GMIP: variants seen among roughly 807,000 people sequenced by gnomAD.
GMIP encodes GEM interacting protein, also known as GEM-interacting protein.
GMIP carries 54 observed loss-of-function variants against 105.3 expected under a neutral mutation model. The ratio of observed to expected loss-of-function variants is 0.51; its 90% CI spans 0.41 to 0.64. GMIP has a LOEUF of 0.64. Among genes scored for constraint, GMIP ranks in the 30% least tolerant of loss-of-function variants. The pLI, the probability that GMIP is intolerant of heterozygous loss-of-function variation, is 0.00. For missense variants in GMIP, 1,110 were observed against 1,319.4 expected (o/e 0.84, Z 2.46); for synonymous variants, 541 against 560.8 (o/e 0.96, Z 0.50).
chr19:19,642,729 A>G (rs773957014), intron 1 of GMIP, 110 bp from the exon 2 acceptor site: 16 of 537,524 alleles, frequency 3.0e-5, no homozygotes, highest in Non-Finnish European at 5.5e-5. Flanking sequence ...AGTGAGAGAG[A>G]GAAAGAGAGG....
chr19:19,631,115 C>G (rs1230576182), intron 19 of GMIP, among the ~76,000 whole-genome samples: 1 of 152,028 alleles, frequency 6.6e-6, no homozygotes, highest in Admixed American at 6.6e-5. Flanking sequence ...GCAGGAGAAT[C>G]GCTTGGACCT....
chr19:19,634,306 G>GGGGA lies in GMIP; in HGVS notation c.2085-117_2085-116insTCCC. On this transcript the variant is annotated intron_variant, in intron 18 of 20. Transcript: ENST00000203556. This position sits in a 1 kb window ranked among gnomAD's most constrained non-coding sequence, Gnocchi z 6.1. ...TGACTTGCCCATGTCACAGGTGTAA[G>GGGGA]TCGTCTGAGACCAGCAGCCACATAT... 2 of 1,170,608 alleles carry GGGGA rather than the reference G, an allele frequency of 1.7e-6. No individual in the cohort carries two copies. Among genetic ancestry groups the GGGGA allele is most frequent in the Non-Finnish European group, 2.4e-6 (2 of 846,000 alleles). 72.5% of individuals were successfully genotyped at this position (1,170,608 alleles called of 1,614,324 possible). A position where few individuals can be genotyped will look rare whatever the true frequency, so the allele number is the denominator to read the frequency against.
Position 19,635,271 on chromosome 19 carries a change from G to T in GMIP, c.1561-58C>A, listed in dbSNP as rs538009723. The T allele has an allele frequency of 2.6e-6, 4 of 1,551,954 alleles. No homozygotes were observed. Among genetic ancestry groups the T allele is most frequent in the Middle Eastern group, 1.7e-4 (1 of 5,902 alleles). ...TTAGGGACCAGTAGGGGAAGAGAAGGTTACAAGGATCCTCAAGGAATGGGG... is the reference window on the plus strand; with the variant it reads ...TTAGGGACCAGTAGGGGAAGAGAAGTTTACAAGGATCCTCAAGGAATGGGG... On this transcript the variant is annotated intron_variant, in intron 15 of 20. Coordinates refer to ENST00000203556, the MANE Select transcript of GMIP (RefSeq NM_016573.4). This position sits in a 1 kb window ranked among gnomAD's most constrained non-coding sequence, Gnocchi z 4.7.
intron 13 of GMIP, 106 bp downstream of exon 13, chr19:19,636,601 G>A: frequency 1.2e-6 from 1 of 814,676 alleles, no homozygotes; most frequent in South Asian, 1.3e-5. Flanking sequence ...GGGGTGTGGG[G>A]TAGGTCAGAG....
rs1449566031 is a variant in GMIP at position 19,637,614 on chromosome 19, G to A, written c.928-53C>T. 1.4e-6 allele frequency: 2 copies of A among 1,379,678 alleles called. No individual in the cohort carries two copies. The highest frequency in any genetic ancestry group is 1.5e-5 in the African/African-American group (1 of 67,406). The allele number at this position is 1,379,678 out of a possible 1,614,324, so 85.5% of individuals were successfully genotyped here. On this transcript the variant is annotated intron_variant, in intron 10 of 20. Coordinates refer to ENST00000203556, the MANE Select transcript of GMIP (RefSeq NM_016573.4). The surrounding 1 kb of genome is among the most constrained non-coding windows in gnomAD (Gnocchi z 6.7). The stretch of plus-strand genomic sequence containing the variant: ...AGGGGCGGAGCCTGGGAGCCTGGGG[G>A]CAGGGCCAGAGCTGGGGCGGGGCTT...
In GMIP at chr19:19,637,600, C is replaced by G; in HGVS notation, c.928-39G>C. 7.0e-7 allele frequency: 1 copy of G among 1,435,104 alleles called. No homozygotes were observed. Among genetic ancestry groups the G allele is most frequent in the Non-Finnish European group, 9.2e-7 (1 of 1,087,472 alleles). The allele number at this position is 1,435,104 out of a possible 1,614,324, so 88.9% of individuals were successfully genotyped here. On this transcript the variant is annotated intron_variant, in intron 10 of 20. Transcript: ENST00000203556. The surrounding 1 kb of genome is among the most constrained non-coding windows in gnomAD (Gnocchi z 6.7). Reference sequence around the variant, plus strand: ...ACAGCAGGTTGGGGAGGGGCGGAGCCTGGGAGCCTGGGGGCAGGGCCAGAG... The same window carrying G: ...ACAGCAGGTTGGGGAGGGGCGGAGCGTGGGAGCCTGGGGGCAGGGCCAGAG...
chr19:19,630,505 G>A lies in GMIP; in HGVS notation c.2505C>T (p.Asp835=), dbSNP rs1246550347. The change falls in exon 20 of 21, where the codon GAC becomes GAT. Residue 835 remains aspartate, a synonymous_variant. Transcript: ENST00000203556. The surrounding 1 kb of genome is among the most constrained non-coding windows in gnomAD (Gnocchi z 4.8). ...IPTPQSDQRE[D]VAEDTKDGGG... ...CCCCATCTTTGGTGTCTTCAGCCACGTCCTCTCTCTGGTCACTCTGTGGAG... is the reference window on the plus strand; with the variant it reads ...CCCCATCTTTGGTGTCTTCAGCCACATCCTCTCTCTGGTCACTCTGTGGAG... The A allele has an allele frequency of 3.1e-6, 5 of 1,613,960 alleles. No individual in the cohort carries two copies. Among genetic ancestry groups the A allele is most frequent in the East Asian group, 2.2e-5 (1 of 44,876 alleles).
In GMIP at chr19:19,630,289, C is replaced by A. The variant is rs779757393; in HGVS notation, c.2587G>T (p.Gly863Cys). 3 of 1,546,370 alleles carry A rather than the reference C, an allele frequency of 1.9e-6. No homozygotes were observed. Among genetic ancestry groups the A allele is most frequent in the Non-Finnish European group, 2.6e-6 (3 of 1,144,430 alleles). The stretch of plus-strand genomic sequence containing the variant: ...TTCACTGGCTGGCGGCTGAAGTGGC[C>A]ACGAGACTGTGTCCCCAGGAGTGAG... ...EDSLLGTQSR[G>C]HFSRQPVKYP... The change falls in exon 21 of 21, where the codon GGC becomes TGC. Residue 863 changes from glycine (G) to cysteine (C), a missense_variant. By Grantham distance (159) the Gly-to-Cys change is radical (BLOSUM62 -3). Transcript: ENST00000203556. The surrounding 1 kb of genome is among the most constrained non-coding windows in gnomAD (Gnocchi z 4.8).
At position 19,637,891 on chromosome 19, in the gene GMIP, G is replaced by A. The variant is rs1418384603; in HGVS notation, c.927+29C>T. On this transcript the variant is annotated intron_variant, in intron 10 of 20. Transcript: ENST00000203556. The surrounding 1 kb of genome is among the most constrained non-coding windows in gnomAD (Gnocchi z 6.7). ...TCAGTCGGGGCCCCAACGGGGTGAGGGGAGGATGGCCTTGGGGATGGGCCT... is the reference window on the plus strand; with the variant it reads ...TCAGTCGGGGCCCCAACGGGGTGAGAGGAGGATGGCCTTGGGGATGGGCCT... 5 of 1,577,502 alleles carry A rather than the reference G, an allele frequency of 3.2e-6. No homozygotes were observed. Among genetic ancestry groups the A allele is most frequent in the South Asian group, 2.4e-5 (2 of 84,956 alleles).
chr19:19,632,761 G>C (rs935001608), intron 19 of GMIP, among the ~76,000 whole-genome samples: 4 of 152,306 alleles, frequency 2.6e-5, no homozygotes, highest in Non-Finnish European at 1.5e-5. Context: ...AGCTGGCAGA[G>C]CCACCTGGGC....
rs1027013358 is a variant in GMIP, at chr19:19,629,848, C to T, written c.*115G>A. On this transcript the variant is annotated 3_prime_UTR_variant, in exon 21 of 21. Transcript: ENST00000203556. ...TTTTCCTTATAGGAACCCTCTGGACCTCTCCCAGCATTGAACTCCTGGCGG... is the reference window on the plus strand; with the variant it reads ...TTTTCCTTATAGGAACCCTCTGGACTTCTCCCAGCATTGAACTCCTGGCGG... The T allele has an allele frequency of 3.8e-6, 4 of 1,040,840 alleles. No homozygotes were observed. Among genetic ancestry groups the T allele is most frequent in the South Asian group, 1.6e-5 (1 of 62,104 alleles). 64.5% of individuals were successfully genotyped at this position (1,040,840 alleles called of 1,614,324 possible). A position where few individuals can be genotyped will look rare whatever the true frequency, so the allele number is the denominator to read the frequency against.
rs949022005 is a variant in GMIP, at chr19:19,637,851, C to A, written c.927+69G>T. ...TGGTGTCTCCAGGGTGGCTTAGGGG[C>A]GAGGAGTGGGGCACTCAGTCGGGGC... On this transcript the variant is annotated intron_variant, in intron 10 of 20. Transcript: ENST00000203556. This position sits in a 1 kb window ranked among gnomAD's most constrained non-coding sequence, Gnocchi z 6.7. 8.7e-6 allele frequency: 13 copies of A among 1,497,046 alleles called. No homozygotes were observed. In the African/African-American group the frequency reaches 1.7e-4, roughly 19 times the overall value. The allele number at this position is 1,497,046 out of a possible 1,614,324, so 92.7% of individuals were successfully genotyped here. A position where few individuals can be genotyped will look rare whatever the true frequency, so the allele number is the denominator to read the frequency against.
Position 19,638,484 on chromosome 19 carries a change from T to A in GMIP, c.538-2A>T. On this transcript the variant is annotated splice_acceptor_variant, in intron 7 of 20. Transcript: ENST00000203556. LOFTEE classifies it high-confidence loss of function. The stretch of plus-strand genomic sequence containing the variant: ...CTCAGTCCGTTTGGCGGCGAGGGGC[T>A]GGCAAGGGTTGGGGATGGGGATGGA... 6.2e-7 allele frequency: 1 copy of A among 1,613,546 alleles called. No homozygotes were observed. The highest frequency in any genetic ancestry group is 8.5e-7 in the Non-Finnish European group (1 of 1,179,768).
In GMIP at chr19:19,643,521, T is replaced by C. The variant is rs2061947699; in HGVS notation, c.9A>G (p.Ala3=). 6.5e-7 allele frequency: 1 copy of C among 1,548,516 alleles called. No homozygotes were observed. The highest frequency in any genetic ancestry group is 8.7e-7 in the Non-Finnish European group (1 of 1,145,730). ...TCCCCGACCCCCTACCCGGCTCTGCTGCGTCCATATCTGGGCCCGGGGATC... is the reference window on the plus strand; with the variant it reads ...TCCCCGACCCCCTACCCGGCTCTGCCGCGTCCATATCTGGGCCCGGGGATC... The part of the protein sequence containing the change: MD[A]AEPGLPPGPE... Residue 3 remains alanine, a synonymous_variant, in exon 1 of 21, where the codon GCA becomes GCG. Transcript: ENST00000203556.
At chr19:19,640,657 C>G in intron 4 of GMIP, 86 bp from the exon 5 acceptor site, 1 of 1,394,300 alleles carries the variant, frequency 7.2e-7, no homozygotes, top group Non-Finnish European at 1.0e-6. Context: ...CCCAGTGGCA[C>G]CTGTCCTACA....
intron 12 of GMIP, 55 bp downstream of exon 12, chr19:19,636,862 G>A (rs2061859384): frequency 2.1e-6 from 3 of 1,429,466 alleles, no homozygotes; most frequent in Non-Finnish European, 2.9e-6. Flanking sequence ...GCCCACCTAT[G>A]TGTTGGTGGA....
rs764188575 is a variant in GMIP, at chr19:19,642,065, G to C, written c.105-14C>G. On this transcript the variant is annotated splice_polypyrimidine_tract_variant and intron_variant, in intron 2 of 20. Coordinates refer to ENST00000203556, the MANE Select transcript of GMIP (RefSeq NM_016573.4). ...ATCTCAAGGGTCCTGGGGGATAAAGGTGTGTCAGGATGCCACCTTACACCC... is the reference window on the plus strand; with the variant it reads ...ATCTCAAGGGTCCTGGGGGATAAAGCTGTGTCAGGATGCCACCTTACACCC... 7 of 1,598,212 alleles carry C rather than the reference G, an allele frequency of 4.4e-6. No individual in the cohort carries two copies. In the South Asian group the frequency reaches 4.4e-5, roughly 10 times the overall value.
chr19:19,637,589 A>T lies in GMIP; in HGVS notation c.928-28T>A. 1 of 1,480,864 alleles carries T rather than the reference A, an allele frequency of 6.8e-7. No homozygotes were observed. The highest frequency in any genetic ancestry group is 8.9e-7 in the Non-Finnish European group (1 of 1,120,160). 91.7% of individuals were successfully genotyped at this position (1,480,864 alleles called of 1,614,324 possible). ...GCCGGGTGGAGACAGCAGGTTGGGG[A>T]GGGGCGGAGCCTGGGAGCCTGGGGG... On this transcript the variant is annotated intron_variant, in intron 10 of 20. Coordinates refer to ENST00000203556, the MANE Select transcript of GMIP (RefSeq NM_016573.4). The surrounding 1 kb of genome is among the most constrained non-coding windows in gnomAD (Gnocchi z 6.7).
Position 19,637,809 on chromosome 19 carries a change from G to T in GMIP, c.927+111C>A. On this transcript the variant is annotated intron_variant, in intron 10 of 20. Transcript: ENST00000203556. This position sits in a 1 kb window ranked among gnomAD's most constrained non-coding sequence, Gnocchi z 6.7. Reference sequence around the variant, plus strand: ...TCTGGGGGCGGGAACTGGCTGTCGAGGGAAATGGCCTAGTCCTGGTGTCTC... The same window carrying T: ...TCTGGGGGCGGGAACTGGCTGTCGATGGAAATGGCCTAGTCCTGGTGTCTC... The T allele has an allele frequency of 8.2e-7, 1 of 1,215,774 alleles. No homozygotes were observed. Among genetic ancestry groups the T allele is most frequent in the Admixed American group, 2.3e-5 (1 of 43,470 alleles). The allele number at this position is 1,215,774 out of a possible 1,614,324, so 75.3% of individuals were successfully genotyped here. A position where few individuals can be genotyped will look rare whatever the true frequency, so the allele number is the denominator to read the frequency against.
Sources: gnomAD v4.1 joint callset for allele counts (sites outside exome capture counted in the v4.1 genomes callset) on GRCh38, gnomAD v4.1.1 for gene constraint, Gnocchi (gnomAD v3.1) non-coding constraint, MANE v1.5 for transcripts, NCBI Gene and HGNC (gene_info 2026-07-23, HGNC 2026-07-21) for gene names.